Variants in PATJ observed in about 807,000 individuals in gnomAD.
PATJ encodes inaD-like protein.
A neutral mutation model predicts 224.9 loss-of-function variants in PATJ; 190 were observed. The observed-to-expected ratio is 0.84, with a 90% CI of 0.75 to 0.95. PATJ has a LOEUF of 0.95. PATJ is among the 40% of genes least tolerant of loss of function. PATJ has a pLI of 0.00. For synonymous variants in PATJ, 769 were observed against 820.3 expected, an observed-to-expected ratio of 0.94 and a Z score of 1.07; for missense variants, 2,121 against 2,270.3, an observed-to-expected ratio of 0.93 and a Z score of 1.34.
intron 31 of PATJ, among the ~76,000 whole-genome samples, chr1:62,074,073 CTG>C (rs896533656): frequency 4.0e-5 from 6 of 151,432 alleles, no homozygotes; most frequent in African/African-American, 1.2e-4. Context: ...TACATTATTA[CTG>C]TGTTAGCTAT....
At chr1:61,767,648 T>A (rs943892577) in intron 4 of PATJ, among the ~76,000 whole-genome samples, 20 of 151,840 alleles carry the variant, frequency 1.3e-4, no homozygotes, top group African/African-American at 4.8e-4. Flanking sequence ...ACTTTATAGT[T>A]CTATCCCTTT....
chr1:61,928,082 T>C (rs1675494314), intron 27 of PATJ, among the ~76,000 whole-genome samples: 1 of 152,204 alleles, frequency 6.6e-6, no homozygotes, highest in African/African-American at 2.4e-5. Context: ...CTAATCTTAT[T>C]GTTTGGTTGT....
At chr1:62,132,907 TA>T (rs929570735) in intron 41 of PATJ, among the ~76,000 whole-genome samples, 72 of 145,742 alleles carry the variant, frequency 4.9e-4, no homozygotes, top group Non-Finnish European at 6.2e-4. Flanking sequence ...GTCTCAAAAT[TA>T]AAAAAAAAAA....
In PATJ at chr1:61,880,475, T is replaced by C. The variant is rs144338674; in HGVS notation, c.2960-3762T>C. 1.9e-3 allele frequency among the ~76,000 whole-genome samples: 285 copies of C among 152,374 alleles called. 1 individual carries two copies. Among genetic ancestry groups the C allele is most frequent in the African/African-American group, 6.3e-3 (264 of 41,586 alleles). On this transcript the variant is annotated intron_variant, in intron 21 of 43. Transcript: ENST00000642238. ...AAGGTTTTGTGTCTTCTCACATTTATTTGATGGGAAACAAAACAAAATATA... is the reference window on the plus strand; with the variant it reads ...AAGGTTTTGTGTCTTCTCACATTTACTTGATGGGAAACAAAACAAAATATA...
intron 18 of PATJ, among the ~76,000 whole-genome samples, chr1:61,858,263 T>C (rs920396403): frequency 1.3e-5 from 2 of 151,946 alleles, no homozygotes; most frequent in Non-Finnish European, 2.9e-5. Context: ...CACAGAGCCA[T>C]ACTTTTTTTT....
chr1:62,102,739 C>T (rs1662336040), intron 33 of PATJ, among the ~76,000 whole-genome samples: 3 of 151,320 alleles, frequency 2.0e-5, no homozygotes, highest in East Asian at 1.9e-4. Context: ...CACACGCCTT[C>T]GTCCCAGCTA....
chr1:62,160,828 C>G (rs1669772144), intron 43 of PATJ, 80 bp from the exon 44 acceptor site: 2 of 1,456,288 alleles, frequency 1.4e-6, no homozygotes, highest in Non-Finnish European at 1.9e-6. Flanking sequence ...GCACACCAGA[C>G]AGATGTTAGA....
At chr1:61,983,855 T>A (rs1295608823) in intron 27 of PATJ, among the ~76,000 whole-genome samples, 1 of 151,934 alleles carries the variant, frequency 6.6e-6, no homozygotes, top group Non-Finnish European at 1.5e-5. Context: ...GACAGGGTCT[T>A]GCTCTGTCAC....
chr1:61,755,622 G>A (rs1570275975), intron 1 of PATJ, among the ~76,000 whole-genome samples: 1 of 152,084 alleles, frequency 6.6e-6, no homozygotes, highest in African/African-American at 2.4e-5. Flanking sequence ...ATAAAGACCA[G>A]TCTGCTTAGC....
At chr1:61,837,836 C>T (rs922514803) in intron 17 of PATJ, among the ~76,000 whole-genome samples, 14 of 148,540 alleles carry the variant, frequency 9.4e-5, no homozygotes, top group African/African-American at 3.2e-4. Context: ...GATAAAGGAG[C>T]TTGAATTAGT....
At chr1:62,128,209 C>A in intron 40 of PATJ, 115 bp downstream of exon 40, 1 of 1,193,208 alleles carries the variant, frequency 8.4e-7, no homozygotes, top group Non-Finnish European at 1.2e-6. Flanking sequence ...GAGACCCAGG[C>A]TGAGGGCAAG....
At chr1:62,131,516 C>T (rs897133075) in intron 41 of PATJ, among the ~76,000 whole-genome samples, 5 of 152,034 alleles carry the variant, frequency 3.3e-5, no homozygotes, top group African/African-American at 4.8e-5. Flanking sequence ...GGTGTGGTAG[C>T]GCATGCCTGT....
chr1:62,112,395 G>T (rs115025725), intron 34 of PATJ, among the ~76,000 whole-genome samples: 1 of 152,058 alleles, frequency 6.6e-6, no homozygotes, highest in Non-Finnish European at 1.5e-5. Context: ...AATCCCAGCT[G>T]CTCGGGAGTC....
chr1:61,878,484 G>A (rs1240182826), intron 21 of PATJ, among the ~76,000 whole-genome samples: 1 of 152,082 alleles, frequency 6.6e-6, no homozygotes, highest in African/African-American at 2.4e-5. Context: ...AAGCAGAAGT[G>A]GTAGTGAGTT....
chr1:61,898,672 G>A (rs192016154), intron 22 of PATJ, among the ~76,000 whole-genome samples: 1 of 152,290 alleles, frequency 6.6e-6, no homozygotes, highest in East Asian at 1.9e-4. Context: ...AGTTAGACTT[G>A]AGCTTAGGAC....
intron 17 of PATJ, 140 bp from the exon 18 acceptor site, chr1:61,855,890 T>C: frequency 1.6e-6 from 1 of 639,934 alleles, no homozygotes; most frequent in Non-Finnish European, 2.8e-6. Flanking sequence ...TATTTTTACC[T>C]GTTTAGAAGA....
At chr1:62,038,924 A>G (rs1650957148) in intron 30 of PATJ, 2 of 1,042,332 alleles carry the variant, frequency 1.9e-6, no homozygotes, top group Non-Finnish European at 3.0e-6. Flanking sequence ...GATTCACTTA[A>G]TCTGGGTTGC....
intron 30 of PATJ, among the ~76,000 whole-genome samples, chr1:62,046,234 AAGGGAGGGAGGG>A (rs576245069): frequency 7.8e-6 from 1 of 128,452 alleles, no homozygotes; most frequent in African/African-American, 2.9e-5. Flanking sequence ...GAAAGGAAGG[AAGGGAGGGAGGG>A]AGGGAGGGAG....
intron 41 of PATJ, among the ~76,000 whole-genome samples, chr1:62,144,771 A>AC (rs1439255158): frequency 2.3e-4 from 17 of 73,334 alleles, no homozygotes; most frequent in Admixed American, 1.7e-4. Context: ...ATTTGCAAAA[A>AC]AAAAAAATAT....
Sources: allele counts gnomAD v4.1 joint callset (sites outside exome capture counted in the v4.1 genomes callset), GRCh38; gene constraint gnomAD v4.1.1; transcripts MANE v1.5; gene names NCBI Gene and HGNC (gene_info 2026-07-23, HGNC 2026-07-21).